Variants in CEP43 observed in about 807,000 individuals in gnomAD.
CEP43 encodes the protein centrosomal protein 43, also known as FGFR1 oncogene partner.
CEP43 carries 36 observed loss-of-function variants against 52.6 expected under a neutral mutation model. That is an observed-to-expected ratio of 0.68 (90% CI 0.52 to 0.90). CEP43 has a LOEUF of 0.90. Among genes scored for constraint, CEP43 ranks in the 40% least tolerant of loss-of-function variants. CEP43 has a pLI of 0.00. For synonymous variants in CEP43, 192 were observed against 172.4 expected (o/e 1.11, Z -0.89); for missense variants, 506 against 472.8 (o/e 1.07, Z -0.65).
At chr6:167,022,264 A>G (rs1340857284) in intron 7 of CEP43, 145 bp from the exon 8 acceptor site, 1 of 530,678 alleles carries the variant, frequency 1.9e-6, no homozygotes, top group African/African-American at 2.4e-5. Flanking sequence ...GCCCCAACAC[A>G]CACACACACA....
intron 12 of CEP43, 71 bp from the exon 13 acceptor site, chr6:167,039,833 G>T: frequency 6.5e-7 from 1 of 1,541,680 alleles, no homozygotes; most frequent in South Asian, 1.2e-5. Context: ...TTGTGGCTTT[G>T]ATTTTTTAAA....
chr6:167,039,198 C>T lies in CEP43; in HGVS notation c.1126-706C>T, dbSNP rs541196836. On this transcript the variant is annotated intron_variant, in intron 12 of 12. Coordinates refer to ENST00000366847, the MANE Select transcript of CEP43 (RefSeq NM_007045.4). ...AAGCTGGAGTGCAGTGGTGCAATTT[C>T]GGCTCACTCCAACCTCTGCCTCCTG... 3.6e-4 allele frequency among the ~76,000 whole-genome samples: 55 copies of T among 151,930 alleles called. No individual in the cohort carries two copies. The East Asian group carries it at 9.1e-3, about 25-fold the overall frequency.
At chr6:167,003,677 C>A in intron 3 of CEP43, 46 bp from the exon 4 acceptor site, 1 of 1,183,328 alleles carries the variant, frequency 8.5e-7, no homozygotes, top group Non-Finnish European at 1.2e-6. Flanking sequence ...TTAAAAAATT[C>A]AGTTTTTGAA....
intron 5 of CEP43, among the ~76,000 whole-genome samples, chr6:167,004,637 A>T (rs1036780356): frequency 1.8e-5 from 1 of 54,980 alleles, no homozygotes; most frequent in Non-Finnish European, 3.8e-5. Flanking sequence ...GTGTTGGGTC[A>T]TGAGCTAAAC....
At chr6:167,033,023 T>G (rs1357499614) in intron 11 of CEP43, among the ~76,000 whole-genome samples, 5 of 151,452 alleles carry the variant, frequency 3.3e-5, no homozygotes, top group Admixed American at 2.0e-4. Flanking sequence ...AATTATGCTC[T>G]CAAATTAGTT....
intron 12 of CEP43, 27 bp downstream of exon 12, chr6:167,033,998 G>T: frequency 8.8e-7 from 1 of 1,135,994 alleles, no homozygotes; most frequent in East Asian, 2.5e-5. Flanking sequence ...TTCCCATAGA[G>T]TGCTTTTTTT....
intron 10 of CEP43, 96 bp downstream of exon 10, chr6:167,026,711 AC>A: frequency 4.1e-6 from 3 of 725,142 alleles, no homozygotes; most frequent in Non-Finnish European, 7.3e-6. Flanking sequence ...TACGCTGAGC[AC>A]CTTCCTGCTG....
chr6:167,012,953 C>T (rs976874264), intron 6 of CEP43, among the ~76,000 whole-genome samples: 1 of 152,168 alleles, frequency 6.6e-6, no homozygotes, highest in African/African-American at 2.4e-5. Flanking sequence ...CTAAAATAAA[C>T]CCTTATTTTG....
At chr6:167,036,445 C>G in intron 12 of CEP43, 10 of 985,360 alleles carry the variant, frequency 1.0e-5, no homozygotes, top group Non-Finnish European at 1.2e-5. Context: ...GTAGTCTCTG[C>G]ACGGGAGCCA....
At chr6:167,034,880 A>C (rs567152707) in intron 12 of CEP43, among the ~76,000 whole-genome samples, 213 of 123,882 alleles carry the variant, frequency 1.7e-3, no homozygotes, top group African/African-American at 5.7e-3. Flanking sequence ...CTAATTCCTG[A>C]TGTATTATAT....
intron 8 of CEP43, 137 bp downstream of exon 8, chr6:167,022,772 G>T: frequency 1.5e-6 from 1 of 651,826 alleles, no homozygotes. Context: ...CGTTGTTAAT[G>T]CCTTTCATGT....
intron 9 of CEP43, 38 bp downstream of exon 9, chr6:167,024,932 A>AT (rs769917255): frequency 9.7e-6 from 11 of 1,130,124 alleles, no homozygotes; most frequent in East Asian, 2.4e-5. Context: ...TACTCGGGAT[A>AT]TTTTTTCTCT....
intron 9 of CEP43, among the ~76,000 whole-genome samples, chr6:167,026,102 C>T (rs1359143132): frequency 6.6e-6 from 1 of 152,152 alleles, no homozygotes; most frequent in East Asian, 1.9e-4. Flanking sequence ...CAGTGGCTCA[C>T]GCCTGTAATA....
chr6:167,005,617 G>A (rs9459836), intron 5 of CEP43, among the ~76,000 whole-genome samples: 52,901 of 152,080 alleles, frequency 0.35, 10,401 homozygotes, highest in Non-Finnish European at 0.46. Context: ...CTCACCCAGA[G>A]CGCAGGTTGT....
chr6:167,005,281 AT>A (rs371160105), intron 5 of CEP43, among the ~76,000 whole-genome samples: 18 of 152,358 alleles, frequency 1.2e-4, no homozygotes, highest in African/African-American at 4.3e-4. Context: ...ATAAGATAAA[AT>A]ATAAGAAACT....
At chr6:167,024,934 T>A in intron 9 of CEP43, 40 bp downstream of exon 9, 2 of 1,113,542 alleles carry the variant, frequency 1.8e-6, no homozygotes, top group Non-Finnish European at 2.7e-6. Context: ...CTCGGGATAT[T>A]TTTTCTCTAA....
intron 9 of CEP43, 43 bp from the exon 10 acceptor site, chr6:167,026,504 T>C (rs1330836514): frequency 4.9e-6 from 6 of 1,227,496 alleles, no homozygotes; most frequent in Middle Eastern, 2.2e-4. Flanking sequence ...GAGACTGTTA[T>C]ATTCTAAGTC....
chr6:167,035,930 A>C (rs560678526), intron 12 of CEP43: 48 of 469,660 alleles, frequency 1.0e-4, no homozygotes, highest in Admixed American at 8.3e-4. Flanking sequence ...GTGGTAGTGA[A>C]AATTAGAGAT....
chr6:167,051,147 A>T lies in CEP43; in HGVS notation c.*11169A>T, dbSNP rs549766768. ...TCAAGTAGGGCCATCTGGTTGTCAG[A>T]AATGCAAAAGCCTGGAAAGTCATCT... is the stretch of plus-strand genomic sequence containing the variant. On this transcript the variant is annotated 3_prime_UTR_variant, in exon 13 of 13. Coordinates refer to ENST00000366847, the MANE Select transcript of CEP43 (RefSeq NM_007045.4). 1 of 152,352 alleles carries T rather than the reference A, an allele frequency of 6.6e-6. No individual in the cohort carries two copies. Among genetic ancestry groups the T allele is most frequent in the Admixed American group, 6.5e-5 (1 of 15,304 alleles). 9.4% of individuals were successfully genotyped at this position (152,352 alleles called of 1,614,324 possible).
Sources: allele counts gnomAD v4.1 joint callset (sites outside exome capture counted in the v4.1 genomes callset), GRCh38; gene constraint gnomAD v4.1.1; transcripts MANE v1.5; gene names NCBI Gene and HGNC (gene_info 2026-07-23, HGNC 2026-07-21).